ZSWIM6: variants seen among roughly 807,000 people sequenced by gnomAD.
ZSWIM6 encodes zinc finger SWIM domain-containing protein 6.
ZSWIM6 carries 9 observed loss-of-function variants against 113.2 expected under a neutral mutation model. The ratio of observed to expected loss-of-function variants is 0.08; its 90% CI spans 0.05 to 0.14. ZSWIM6 has a LOEUF of 0.14. Ranked by LOEUF, ZSWIM6 falls within the 10% of genes least tolerant of loss-of-function variation. The probability of loss-of-function intolerance (pLI) is 1.00; values close to 1 mark genes in which losing one functional copy is unlikely to be tolerated. For synonymous variants in ZSWIM6, 611 were observed against 606.5 expected, an observed-to-expected ratio of 1.01 and a Z score of -0.11; for missense variants, 1,162 against 1,552.2, an observed-to-expected ratio of 0.75 and a Z score of 4.22.
intron 1 of ZSWIM6, among the ~76,000 whole-genome samples, chr5:61,446,268 C>T (rs1403062506): frequency 2.6e-5 from 4 of 152,260 alleles, no homozygotes; most frequent in African/African-American, 9.6e-5. Flanking sequence ...CATGATCCAC[C>T]TACTTCAGCC....
intron 1 of ZSWIM6, among the ~76,000 whole-genome samples, chr5:61,362,201 C>CT (rs111319467): frequency 1.5e-3 from 219 of 144,624 alleles, no homozygotes; most frequent in Middle Eastern, 3.6e-3. Context: ...TTCTTACTCA[C>CT]TTTTTTTTTT....
At chr5:61,476,792 AT>A (rs1747715996) in intron 2 of ZSWIM6, among the ~76,000 whole-genome samples, 1 of 152,152 alleles carries the variant, frequency 6.6e-6, no homozygotes, top group Admixed American at 6.6e-5. Flanking sequence ...CGTATTGTAG[AT>A]TGGTAAACTG....
intron 1 of ZSWIM6, chr5:61,392,018 T>C: frequency 2.6e-6 from 1 of 387,802 alleles, no homozygotes; most frequent in South Asian, 3.7e-5. Flanking sequence ...CCCTCATAGA[T>C]TGACATGCAT....
rs2112268870 is a variant in ZSWIM6, at chr5:61,526,270, G to T, written c.1711G>T (p.Ala571Ser). ...TTTAGAACATGTTCCTACAGCCTGT[G>T]CAAGAGTGGACGCATTACGTTCTCA... ...LWHEHVPTAC[A>S]RVDALRSHGY... is the part of the protein sequence containing the mutation. The change falls in exon 7 of 14, where the codon GCA becomes TCA. Residue 571 changes from alanine to serine, a missense_variant. Ala to Ser is a moderately conservative substitution (Grantham distance 99). Coordinates refer to ENST00000252744, the MANE Select transcript of ZSWIM6 (RefSeq NM_020928.2). 2 of 1,551,784 alleles carry T rather than the reference G, an allele frequency of 1.3e-6. No individual in the cohort carries two copies. The highest frequency in any genetic ancestry group is 1.7e-6 in the Non-Finnish European group (2 of 1,146,972).
rs147600474 is a variant in ZSWIM6 at position 61,355,333 on chromosome 5, G to A, written c.676+22385G>A. Among the ~76,000 whole-genome samples the A allele has an allele frequency of 9.2e-5, 14 of 151,996 alleles. No homozygotes were observed. The East Asian group carries it at 2.3e-3, about 25-fold the overall frequency. On this transcript the variant is annotated intron_variant, in intron 1 of 13. Transcript: ENST00000252744. ...GAGAAAGTCAAGTTGAGATGCCCCCGGCTTTCAGACTAGAAAAATAAATAG... is the reference window on the plus strand; with the variant it reads ...GAGAAAGTCAAGTTGAGATGCCCCCAGCTTTCAGACTAGAAAAATAAATAG...
intron 3 of ZSWIM6, among the ~76,000 whole-genome samples, chr5:61,492,648 T>C (rs1040576980): frequency 2.6e-5 from 4 of 152,062 alleles, no homozygotes; most frequent in African/African-American, 7.2e-5. Context: ...TGTTAATGAG[T>C]TTTTAGTACT....
In ZSWIM6 at chr5:61,348,459, A is replaced by G. The variant is rs559033646; in HGVS notation, c.676+15511A>G. On this transcript the variant is annotated intron_variant, in intron 1 of 13. Transcript: ENST00000252744. The stretch of plus-strand genomic sequence containing the variant: ...TCTTGTATAAAAACTTTTCACATCT[A>G]GATTTTCCCCCTTCATACTTCCTGT... 2.6e-5 allele frequency among the ~76,000 whole-genome samples: 4 copies of G among 152,272 alleles called. No individual in the cohort carries two copies. The East Asian group carries it at 7.7e-4, about 29-fold the overall frequency.
intron 4 of ZSWIM6, among the ~76,000 whole-genome samples, chr5:61,517,033 A>G (rs971175010): frequency 3.3e-5 from 5 of 151,952 alleles, no homozygotes; most frequent in African/African-American, 1.2e-4. Context: ...CTATTCTTCT[A>G]TGTATGGTAT....
At chr5:61,532,634 TTTC>T (rs1355981882) in intron 9 of ZSWIM6, among the ~76,000 whole-genome samples, 2 of 152,210 alleles carry the variant, frequency 1.3e-5, no homozygotes, top group Non-Finnish European at 1.5e-5. Context: ...AAGAAAACAT[TTTC>T]TTCAAACATA....
At chr5:61,410,600 G>A (rs747831450) in intron 1 of ZSWIM6, among the ~76,000 whole-genome samples, 2 of 152,096 alleles carry the variant, frequency 1.3e-5, no homozygotes, top group Non-Finnish European at 2.9e-5. Context: ...GAGCCACCGT[G>A]CCCGGCGATT....
At chr5:61,402,639 A>G (rs938897557) in intron 1 of ZSWIM6, among the ~76,000 whole-genome samples, 1 of 152,166 alleles carries the variant, frequency 6.6e-6, no homozygotes, top group African/African-American at 2.4e-5. Context: ...TGGTTTCTAG[A>G]TTACAGTGCT....
chr5:61,415,681 A>G lies in ZSWIM6; in HGVS notation c.677-57000A>G, dbSNP rs188632567. 3.6e-3 allele frequency among the ~76,000 whole-genome samples: 548 copies of G among 152,248 alleles called. 14 individuals carry two copies. Among genetic ancestry groups the G allele is most frequent in the East Asian group, 0.012 (60 of 5,176 alleles). On this transcript the variant is annotated intron_variant, in intron 1 of 13. Transcript: ENST00000252744. ...ACATGGGGACTGATTGGCCATATAA[A>G]GGTTCTGGGCCCCATTTCTCTACAG...
intron 4 of ZSWIM6, among the ~76,000 whole-genome samples, chr5:61,519,591 G>A (rs1198002737): frequency 3.3e-5 from 5 of 151,948 alleles, no homozygotes; most frequent in African/African-American, 9.7e-5. Flanking sequence ...GGGAGGGACG[G>A]GTGTGGACTT....
intron 4 of ZSWIM6, among the ~76,000 whole-genome samples, chr5:61,497,838 C>A (rs575577071): frequency 6.6e-6 from 1 of 152,180 alleles, no homozygotes; most frequent in Non-Finnish European, 1.5e-5. Context: ...AGAACACACA[C>A]CTCTTGAATT....
chr5:61,512,491 A>G (rs1184397131), intron 4 of ZSWIM6, among the ~76,000 whole-genome samples: 1 of 152,056 alleles, frequency 6.6e-6, no homozygotes, highest in Non-Finnish European at 1.5e-5. Context: ...TAAGAGTGGG[A>G]TTGCTGGGTC....
Position 61,534,684 on chromosome 5 carries a change from A to G in ZSWIM6, c.2246-800A>G, listed in dbSNP as rs536689308. Among the ~76,000 whole-genome samples, 11 of 149,330 alleles carry G rather than the reference A, an allele frequency of 7.4e-5. No homozygotes were observed. In the South Asian group the frequency reaches 1.9e-3, roughly 26 times the overall value. On this transcript the variant is annotated intron_variant, in intron 9 of 13. Transcript: ENST00000252744. ...TGGTTTCCTTTCAGAATTTATTTTA[A>G]AAGTCTATGTTGCCGTTCTCAAAGC...
intron 1 of ZSWIM6, among the ~76,000 whole-genome samples, chr5:61,435,715 G>A (rs1361960853): frequency 6.6e-6 from 1 of 152,006 alleles, no homozygotes; most frequent in Non-Finnish European, 1.5e-5. Flanking sequence ...TAAAATTATT[G>A]TTGATTAAGA....
intron 1 of ZSWIM6, chr5:61,390,881 C>A: frequency 1.1e-6 from 1 of 894,494 alleles, no homozygotes; most frequent in Non-Finnish European, 1.9e-6. Context: ...CACAGTCTTT[C>A]AGCATGACAA....
At chr5:61,432,725 A>G (rs987386266) in intron 1 of ZSWIM6, among the ~76,000 whole-genome samples, 38 of 152,248 alleles carry the variant, frequency 2.5e-4, no homozygotes, top group African/African-American at 8.9e-4. Context: ...GATACTGTCT[A>G]CTGACAGTGA....
Sources: allele counts gnomAD v4.1 joint callset (sites outside exome capture counted in the v4.1 genomes callset), GRCh38; gene constraint gnomAD v4.1.1; transcripts MANE v1.5; gene names NCBI Gene and HGNC (gene_info 2026-07-23, HGNC 2026-07-21).